Variants in FOXO3 observed in about 807,000 individuals in gnomAD.
The protein encoded by FOXO3 is forkhead box protein O3.
A neutral mutation model predicts 41.9 loss-of-function variants in FOXO3; 4 were observed. The observed-to-expected ratio is 0.10, with a 90% CI of 0.05 to 0.22. The LOEUF (loss-of-function observed/expected upper bound fraction) is 0.22, where lower values mean the gene tolerates loss of function less well. Ranked by LOEUF, FOXO3 falls within the 10% of genes least tolerant of loss-of-function variation. The pLI is 1.00. For missense variants in FOXO3, 534 were observed against 906.8 expected (o/e 0.59, Z 5.28); for synonymous variants, 318 against 389.3 (o/e 0.82, Z 2.16).
chr6:108,576,709 A>T (rs1194670999), intron 1 of FOXO3, among the ~76,000 whole-genome samples: 1 of 152,224 alleles, frequency 6.6e-6, no homozygotes, highest in Admixed American at 6.5e-5. Flanking sequence ...CTGGATTTTT[A>T]TCTCTGGGCC....
rs1770777442 is a variant in FOXO3 at position 108,679,955 on chromosome 6, A to G, written c.*163A>G. 1 of 153,082 alleles carries G rather than the reference A, an allele frequency of 6.5e-6. No homozygotes were observed. The highest frequency in any genetic ancestry group is 2.4e-5 in the African/African-American group (1 of 41,436). The allele number at this position is 153,082 out of a possible 1,614,324, so 9.5% of individuals were successfully genotyped here. The stretch of plus-strand genomic sequence containing the variant: ...ACGCCATTTTCCTAACCCAGCAGAG[A>G]CTGTTAATGGCCCCTTACCCTGGGT... On this transcript the variant is annotated 3_prime_UTR_variant, in exon 3 of 3. Coordinates refer to ENST00000406360, the MANE Select transcript of FOXO3 (RefSeq NM_001455.4).
chr6:108,669,280 G>T (rs1390030616), intron 2 of FOXO3, among the ~76,000 whole-genome samples: 1 of 152,170 alleles, frequency 6.6e-6, no homozygotes, highest in Non-Finnish European at 1.5e-5. Flanking sequence ...TTACGTGTAG[G>T]CTACTTCCCA....
chr6:108,637,411 G>A (rs899812150), intron 1 of FOXO3, among the ~76,000 whole-genome samples: 63 of 152,072 alleles, frequency 4.1e-4, no homozygotes, highest in African/African-American at 1.5e-3. Context: ...GCTAAGTGTC[G>A]AAATCCAGCC....
At chr6:108,575,378 T>TAAA (rs576004258) in intron 1 of FOXO3, among the ~76,000 whole-genome samples, 1 of 121,260 alleles carries the variant, frequency 8.2e-6, no homozygotes, top group Admixed American at 8.3e-5. Flanking sequence ...ACTTAATACC[T>TAAA]AAAAAAAAAA....
At chr6:108,622,550 G>A (rs1777699107) in intron 1 of FOXO3, among the ~76,000 whole-genome samples, 1 of 152,058 alleles carries the variant, frequency 6.6e-6, no homozygotes, top group African/African-American at 2.4e-5. Context: ...TATTTGTTTT[G>A]TTTTGTTTTA....
rs190381072 is a variant in FOXO3, at chr6:108,680,952, A to G, written c.*1160A>G. The G allele has an allele frequency of 2.0e-5, 3 of 152,780 alleles. No individual in the cohort carries two copies. Among genetic ancestry groups the G allele is most frequent in the African/African-American group, 7.2e-5 (3 of 41,598 alleles). The allele number at this position is 152,780 out of a possible 1,614,324, so 9.5% of individuals were successfully genotyped here. ...ATATAATCTGATCTGCTAGAAGTGT[A>G]TGAGTGAGAGGCAATAGCATACAAA... On this transcript the variant is annotated 3_prime_UTR_variant, in exon 3 of 3. Transcript: ENST00000406360.
chr6:108,569,451 C>T (rs1050855334), intron 1 of FOXO3, among the ~76,000 whole-genome samples: 15 of 152,206 alleles, frequency 9.9e-5, no homozygotes, highest in African/African-American at 2.9e-4. Context: ...CTTGGTAAAA[C>T]GGAAATGTCT....
intron 2 of FOXO3, among the ~76,000 whole-genome samples, chr6:108,679,157 C>T (rs192857236): frequency 1.5e-3 from 224 of 152,276 alleles, no homozygotes; most frequent in Non-Finnish European, 2.3e-3. Context: ...AGGCGTGAGC[C>T]ACTGCGCCCG....
intron 1 of FOXO3, among the ~76,000 whole-genome samples, chr6:108,595,528 G>T (rs1487790962): frequency 6.6e-6 from 1 of 152,102 alleles, no homozygotes; most frequent in Non-Finnish European, 1.5e-5. Flanking sequence ...ATTTACATAA[G>T]TTTTTGTAGT....
intron 1 of FOXO3, among the ~76,000 whole-genome samples, chr6:108,654,737 CTTT>C (rs61275551): frequency 1.5e-5 from 2 of 137,010 alleles, no homozygotes; most frequent in African/African-American, 5.3e-5. Context: ...AGAGCATCGT[CTTT>C]TTTTTTTTTT....
At chr6:108,635,455 G>A (rs993223900) in intron 1 of FOXO3, among the ~76,000 whole-genome samples, 6 of 152,076 alleles carry the variant, frequency 3.9e-5, no homozygotes, top group African/African-American at 2.4e-5. Flanking sequence ...AAGCAAATAC[G>A]GCACAATACT....
chr6:108,622,523 GT>G (rs1172396552), intron 1 of FOXO3, among the ~76,000 whole-genome samples: 1 of 152,074 alleles, frequency 6.6e-6, no homozygotes, highest in Admixed American at 6.6e-5. Flanking sequence ...TGTTTTTGGT[GT>G]TTTTTTGTTT....
chr6:108,639,662 A>G, intron 1 of FOXO3: 1 of 697,390 alleles, frequency 1.4e-6, no homozygotes, highest in Non-Finnish European at 1.8e-6. Context: ...GCTGAAAATA[A>G]ATAAATAAAA....
chr6:108,624,081 T>G (rs1777746845), intron 1 of FOXO3, among the ~76,000 whole-genome samples: 1 of 152,160 alleles, frequency 6.6e-6, no homozygotes, highest in Non-Finnish European at 1.5e-5. Context: ...ACAAGGAAAT[T>G]TCATCTCATG....
chr6:108,561,873 C>T (rs1490581885), intron 1 of FOXO3, 44 bp downstream of exon 1: 4 of 1,498,194 alleles, frequency 2.7e-6, no homozygotes, highest in African/African-American at 2.9e-5. Context: ...GCCGGGCCTC[C>T]TGCGCAGCGC....
intron 1 of FOXO3, chr6:108,656,354 A>G (rs1778688264): frequency 1.2e-5 from 12 of 985,374 alleles, no homozygotes; most frequent in South Asian, 9.4e-5. Flanking sequence ...GTGAGTGGAC[A>G]GTCTCCACAA....
At chr6:108,613,623 C>T (rs755534494) in intron 1 of FOXO3, among the ~76,000 whole-genome samples, 1 of 152,146 alleles carries the variant, frequency 6.6e-6, no homozygotes, top group Non-Finnish European at 1.5e-5. Flanking sequence ...CCCTTTCCCC[C>T]TCATTCCTTA....
In FOXO3 at chr6:108,578,464, C is replaced by G. The variant is rs564169623; in HGVS notation, c.621+16635C>G. On this transcript the variant is annotated intron_variant, in intron 1 of 2. Transcript: ENST00000406360. Reference sequence around the variant, plus strand: ...TAGCCCCTTGAGTATTTTGGACTTCCCACAGATCTGTGCTGCTCTGTAGCC... The same window carrying G: ...TAGCCCCTTGAGTATTTTGGACTTCGCACAGATCTGTGCTGCTCTGTAGCC... 5.3e-5 allele frequency among the ~76,000 whole-genome samples: 8 copies of G among 152,294 alleles called. 1 individual carries two copies. In the East Asian group the frequency reaches 1.2e-3, roughly 22 times the overall value.
intron 1 of FOXO3, among the ~76,000 whole-genome samples, chr6:108,637,689 G>C (rs1778154357): frequency 6.6e-6 from 1 of 151,948 alleles, no homozygotes; most frequent in Admixed American, 6.6e-5. Context: ...CTCAGAGTCA[G>C]CAGTGCATCC....
Sources: allele counts gnomAD v4.1 joint callset (sites outside exome capture counted in the v4.1 genomes callset), GRCh38; gene constraint gnomAD v4.1.1; transcripts MANE v1.5; gene names NCBI Gene and HGNC (gene_info 2026-07-23, HGNC 2026-07-21).